The following DNAH7 variants were observed in gnomAD, a reference collection of about 807,000 sequenced individuals.
The protein encoded by DNAH7 is axonemal beta dynein heavy chain 7.
DNAH7 carries 397 observed loss-of-function variants against 444.6 expected under a neutral mutation model. The ratio of observed to expected loss-of-function variants is 0.89; its 90% confidence interval spans 0.82 to 0.97. DNAH7 has a LOEUF of 0.97. DNAH7 is among the 50% of genes least tolerant of loss of function. DNAH7 has a pLI of 0.00. For missense variants in DNAH7, 4,902 were observed against 4,800.8 expected (o/e 1.02, Z -0.62); for synonymous variants, 1,636 against 1,624.4 (o/e 1.01, Z -0.17).
rs746562911 is a variant in DNAH7, at chr2:195,855,853, T to C, written c.8553A>G (p.Thr2851=). Residue 2851 remains threonine, a synonymous_variant, in exon 45 of 65, where the codon ACA becomes ACG. Coordinates refer to ENST00000312428, the MANE Select transcript of DNAH7 (RefSeq NM_018897.3). The stretch of plus-strand genomic sequence containing the variant: ...CCTTCTTTTGTTTATTTAATTCAAG[T>C]GTGTCTTGAAGCCTGGCCAGCTTGT... ...VQDKLARLQD[T]LELNKQKKAD... 1 of 1,614,048 alleles carries C rather than the reference T, an allele frequency of 6.2e-7. No individual in the cohort carries two copies. The highest frequency in any genetic ancestry group is 1.1e-5 in the South Asian group (1 of 91,068).
intron 2 of DNAH7, among the ~76,000 whole-genome samples, chr2:196,053,270 T>C (rs1697595748): frequency 6.6e-6 from 1 of 152,078 alleles, no homozygotes; most frequent in Non-Finnish European, 1.5e-5. Flanking sequence ...AAGGAGGACA[T>C]GGGTTTCAGG....
At chr2:196,019,386 A>G (rs1488479669) in intron 8 of DNAH7, 91 bp from the exon 9 acceptor site, 1 of 1,031,656 alleles carries the variant, frequency 9.7e-7, no homozygotes, top group East Asian at 3.0e-5. Context: ...TAATTTTAAT[A>G]AAATATGTGC....
chr2:195,770,378 T>G (rs1377283903), intron 61 of DNAH7, among the ~76,000 whole-genome samples: 1 of 152,196 alleles, frequency 6.6e-6, no homozygotes, highest in African/African-American at 2.4e-5. Context: ...AGACCCTAAC[T>G]ATGGCTAACA....
At position 195,909,845 on chromosome 2, in the gene DNAH7, T is replaced by C. The variant is rs548002669; in HGVS notation, c.4104+182A>G. Among the ~76,000 whole-genome samples, 6 of 152,330 alleles carry C rather than the reference T, an allele frequency of 3.9e-5. No homozygotes were observed. The East Asian group carries it at 1.2e-3, about 29-fold the overall frequency. On this transcript the variant is annotated intron_variant, in intron 25 of 64. Coordinates refer to ENST00000312428, the MANE Select transcript of DNAH7 (RefSeq NM_018897.3). The stretch of plus-strand genomic sequence containing the variant: ...TAGGGACTGGAGAGGAAAGTAGAGA[T>C]TCTCTGCAAATAGGGTTTTGCTATA...
intron 27 of DNAH7, chr2:195,904,026 GTGCTGCC>G (rs1686865962): frequency 6.6e-6 from 1 of 152,210 alleles, no homozygotes. Context: ...AGCTCTATAA[GTGCTGCC>G]CTACATACCT....
At chr2:196,060,629 A>G (rs554282637) in intron 1 of DNAH7, among the ~76,000 whole-genome samples, 9 of 152,298 alleles carry the variant, frequency 5.9e-5, no homozygotes, top group Non-Finnish European at 1.0e-4. Flanking sequence ...TCCCATCAGA[A>G]AAAGTATCAG....
At chr2:195,869,715 G>C (rs1700564666) in intron 40 of DNAH7, among the ~76,000 whole-genome samples, 2 of 152,106 alleles carry the variant, frequency 1.3e-5, no homozygotes, top group Admixed American at 6.5e-5. Context: ...CTGGTGAAAG[G>C]GGGATGAGGA....
In DNAH7 at chr2:196,024,447, A is replaced by C; in HGVS notation, c.725T>G (p.Leu242Arg). The C allele has an allele frequency of 6.3e-7, 1 of 1,586,238 alleles. No homozygotes were observed. The highest frequency in any genetic ancestry group is 8.6e-7 in the Non-Finnish European group (1 of 1,168,874). The change falls in exon 8 of 65, where the codon CTT becomes CGT. Residue 242 changes from leucine (L) to arginine (R), a missense_variant. Coordinates refer to ENST00000312428, the MANE Select transcript of DNAH7 (RefSeq NM_018897.3). ...CACTTACTCAGCACGATGGGCTGGAAGTTCATCTGTCTTCTTATCATCTCC... is the reference window on the plus strand; with the variant it reads ...CACTTACTCAGCACGATGGGCTGGACGTTCATCTGTCTTCTTATCATCTCC... ...EKGDDKKTDE[L>R]PAHRAEMEIL...
chr2:195,756,110 T>A, intron 62 of DNAH7, 23 bp downstream of exon 62: 15 of 1,583,218 alleles, frequency 9.5e-6, no homozygotes, highest in Non-Finnish European at 1.3e-5. Context: ...CTTAACAATA[T>A]ACGATCATTT....
At chr2:195,926,842 T>A (rs1020143433) in intron 21 of DNAH7, among the ~76,000 whole-genome samples, 1 of 152,054 alleles carries the variant, frequency 6.6e-6, no homozygotes, top group East Asian at 1.9e-4. Context: ...TTTGAATAAT[T>A]TTAGCCAAAG....
At chr2:195,861,599 A>G (rs1700019636) in intron 42 of DNAH7, 118 bp downstream of exon 42, 1 of 754,666 alleles carries the variant, frequency 1.3e-6, no homozygotes, top group Admixed American at 2.9e-5. Flanking sequence ...TAAAGATGTA[A>G]CAAAACTTAC....
At chr2:195,745,394 G>A (rs980741515) in intron 63 of DNAH7, among the ~76,000 whole-genome samples, 1 of 152,260 alleles carries the variant, frequency 6.6e-6, no homozygotes, top group Non-Finnish European at 1.5e-5. Context: ...GTACCTGAAA[G>A]TGACGAGGAG....
chr2:195,850,868 C>T (rs958658636), intron 46 of DNAH7, among the ~76,000 whole-genome samples: 12 of 152,074 alleles, frequency 7.9e-5, no homozygotes, highest in African/African-American at 2.7e-4. Flanking sequence ...CAGGTGGCCT[C>T]GTTAGATGCC....
At position 195,970,006 on chromosome 2, in the gene DNAH7, T is replaced by C. The variant is rs759557549; in HGVS notation, c.2147A>G (p.Gln716Arg). 14 of 1,612,674 alleles carry C rather than the reference T, an allele frequency of 8.7e-6. No homozygotes were observed. Among genetic ancestry groups the C allele is most frequent in the Non-Finnish European group, 1.2e-5 (14 of 1,179,574 alleles). Residue 716 changes from glutamine to arginine, a missense_variant, in exon 17 of 65, where the codon CAG becomes CGG. Physicochemically the swap from Gln to Arg is conservative, Grantham distance 43. Transcript: ENST00000312428. Reference protein sequence around the residue: ...FYSFGDLQDVQRYLKKAQILN... With the variant: ...FYSFGDLQDVRRYLKKAQILN... ...TATTTGAGCCTTTTTTAGGTACCGC[T>C]GAACATCCTGAAGATCTCCAAATGA...
In DNAH7 at chr2:195,888,320, T is replaced by G; in HGVS notation, c.5344A>C (p.Ile1782Leu). Residue 1782 changes from isoleucine to leucine, a missense_variant, in exon 33 of 65, where the codon ATA becomes CTA. Physicochemically the swap from Ile to Leu is conservative, Grantham distance 5. Coordinates refer to ENST00000312428, the MANE Select transcript of DNAH7 (RefSeq NM_018897.3). ...ACCATTCTGTCAAATAAGCCCATTA[T>G]GAATTCCTTTTGAATAACACTGACT... ...ASVSVIQKEF[I>L]MGLFDRMVPV... The G allele has an allele frequency of 6.2e-7, 1 of 1,611,596 alleles. No individual in the cohort carries two copies. Among genetic ancestry groups the G allele is most frequent in the South Asian group, 1.1e-5 (1 of 90,632 alleles).
intron 54 of DNAH7, among the ~76,000 whole-genome samples, chr2:195,804,471 G>T (rs532506761): frequency 3.9e-5 from 6 of 152,136 alleles, no homozygotes; most frequent in Admixed American, 3.9e-4. Context: ...CTAGTTAATT[G>T]TATCACCACG....
intron 15 of DNAH7, among the ~76,000 whole-genome samples, chr2:195,976,732 A>C (rs988915030): frequency 4.1e-5 from 6 of 145,010 alleles, no homozygotes; most frequent in Non-Finnish European, 9.0e-5. Context: ...AGACAGAGAG[A>C]GACAGAGAGG....
chr2:196,010,538 C>T (rs1694666447), intron 10 of DNAH7, among the ~76,000 whole-genome samples: 1 of 152,100 alleles, frequency 6.6e-6, no homozygotes, highest in East Asian at 1.9e-4. Flanking sequence ...ACTAAAATTA[C>T]AGCTACCATA....
intron 56 of DNAH7, 63 bp from the exon 57 acceptor site, chr2:195,794,601 A>G (rs868059566): frequency 6.7e-7 from 1 of 1,494,472 alleles, no homozygotes. Context: ...TCAAAAGCAT[A>G]CATATGAAGG....
Sources: gnomAD v4.1 joint callset for allele counts (sites outside exome capture counted in the v4.1 genomes callset) on GRCh38, gnomAD v4.1.1 for gene constraint, MANE v1.5 for transcripts, NCBI Gene and HGNC (gene_info 2026-07-23, HGNC 2026-07-21) for gene names.